The following MAN2B1 variants were observed in gnomAD, a reference collection of about 807,000 sequenced individuals.
MAN2B1 encodes lysosomal alpha-mannosidase.
A neutral mutation model predicts 127.5 loss-of-function variants in MAN2B1; 99 were observed. That is an observed-to-expected ratio of 0.78 (90% CI 0.66 to 0.92). MAN2B1 has a LOEUF of 0.92. Ranked by LOEUF, MAN2B1 falls within the 40% of genes least tolerant of loss-of-function variation. The pLI, the probability that MAN2B1 is intolerant of heterozygous loss-of-function variation, is 0.00. For synonymous variants in MAN2B1, 573 were observed against 568.8 expected, an observed-to-expected ratio of 1.01 and a Z score of -0.11; for missense variants, 1,304 against 1,384.8, an observed-to-expected ratio of 0.94 and a Z score of 0.93.
In MAN2B1 at chr19:12,647,397, C is replaced by T. The variant is rs1450902402; in HGVS notation, c.2820+46G>A. ...AAAGCCAGGTTTCTCTTCTCTCCCT[C>T]TCTCTTGCCTCTCTCCGATCTCCTT... On this transcript the variant is annotated intron_variant, in intron 22 of 23. Transcript: ENST00000456935. This position sits in a 1 kb window ranked among gnomAD's most constrained non-coding sequence, Gnocchi z 4.9. 1 of 1,612,684 alleles carries T rather than the reference C, an allele frequency of 6.2e-7. No homozygotes were observed. The highest frequency in any genetic ancestry group is 8.5e-7 in the Non-Finnish European group (1 of 1,178,616).
intron 7 of MAN2B1, chr19:12,658,743 T>A: frequency 1.8e-6 from 1 of 566,076 alleles, no homozygotes; most frequent in South Asian, 2.1e-5. Flanking sequence ...GAAATTTTAC[T>A]AAACTTTTAC....
chr19:12,649,367 G>C lies in MAN2B1; in HGVS notation c.2329C>G (p.Pro777Ala). The C allele has an allele frequency of 6.2e-7, 1 of 1,613,670 alleles. No homozygotes were observed. Among genetic ancestry groups the C allele is most frequent in the African/African-American group, 1.3e-5 (1 of 74,942 alleles). Residue 777 changes from proline to alanine, a missense_variant, in exon 19 of 24, where the codon CCA becomes GCA. Physicochemically the swap from Pro to Ala is conservative, Grantham distance 27. Coordinates refer to ENST00000456935, the MANE Select transcript of MAN2B1 (RefSeq NM_000528.4). ...GTGATGTAAATCCGGGTGTTGACTG[G>C]ATAGTAGTTTCCTGCCACGGGCTCC... ...QTEPVAGNYY[P>A]VNTRIYITDG...
intron 11 of MAN2B1, 112 bp downstream of exon 11, chr19:12,657,334 C>G: frequency 9.6e-7 from 1 of 1,038,858 alleles, no homozygotes; most frequent in Non-Finnish European, 1.4e-6. Context: ...CTTGTAGCCC[C>G]GCCACAGGGC....
Position 12,647,523 on chromosome 19 carries a change from G to C in MAN2B1, c.2740C>G (p.Leu914Val). The change falls in exon 22 of 24, where the codon CTG (leucine) becomes GTG (valine). Residue 914 changes from leucine (L) to valine (V), a missense_variant. Leu to Val is a conservative substitution (Grantham distance 32, BLOSUM62 1). Transcript: ENST00000456935. This position sits in a 1 kb window ranked among gnomAD's most constrained non-coding sequence, Gnocchi z 4.9. ...GCAAACTGGTGCTCCAAGCGCAGCA[G>C]CACCATTTCGGGGCCCCAGCTGGCC... ...TLASWGPEMV[L>V]LRLEHQFAVG... 1 of 1,614,250 alleles carries C rather than the reference G, an allele frequency of 6.2e-7. No homozygotes were observed. Among genetic ancestry groups the C allele is most frequent in the Middle Eastern group, 1.6e-4 (1 of 6,062 alleles).
chr19:12,666,519 T>C (rs912377546), intron 1 of MAN2B1, 24 bp downstream of exon 1: 7 of 1,568,554 alleles, frequency 4.5e-6, no homozygotes, highest in Non-Finnish European at 6.1e-6. Context: ...CTCCTGTACG[T>C]TTCAGCTCGG....
intron 18 of MAN2B1, 46 bp from the exon 19 acceptor site, chr19:12,649,474 ACTCT>A: frequency 1.7e-6 from 1 of 592,322 alleles, no homozygotes; most frequent in Non-Finnish European, 2.6e-6. Flanking sequence ...TGGCTCCCCA[ACTCT>A]TTTTTTTTTT....
intron 7 of MAN2B1, 52 bp from the exon 8 acceptor site, chr19:12,658,562 G>A (rs1018781995): frequency 2.0e-6 from 3 of 1,515,274 alleles, no homozygotes; most frequent in Non-Finnish European, 2.7e-6. Context: ...CCTTCCTGGG[G>A]GCCCACACTT....
rs1008690907 is a variant in MAN2B1, at chr19:12,649,033, G to A, written c.2436+103C>T. 5.0e-5 allele frequency: 47 copies of A among 937,518 alleles called. 1 individual carries two copies. In the Admixed American group the frequency reaches 8.6e-4, roughly 17 times the overall value. 58.1% of individuals were successfully genotyped at this position (937,518 alleles called of 1,614,324 possible). ...AGAAAGAAACGGAGTCCTCAGCTTA[G>A]TGGGGCCTGAAAGCAGAGAACTGGG... is the stretch of plus-strand genomic sequence containing the variant. On this transcript the variant is annotated intron_variant, in intron 20 of 23. Transcript: ENST00000456935.
At chr19:12,648,037 G>T in intron 21 of MAN2B1, 138 bp downstream of exon 21, 1 of 897,000 alleles carries the variant, frequency 1.1e-6, no homozygotes, top group Non-Finnish European at 1.8e-6. Context: ...GGACTGCCCA[G>T]GGGATGGGGT....
intron 1 of MAN2B1, 105 bp downstream of exon 1, chr19:12,666,438 C>CA: frequency 7.8e-7 from 1 of 1,277,858 alleles, no homozygotes; most frequent in Non-Finnish European, 1.1e-6. Flanking sequence ...GTCATATCAT[C>CA]AGCCATTCAC....
At position 12,652,080 on chromosome 19, in the gene MAN2B1, A is replaced by G. The variant is rs2023850043; in HGVS notation, c.2046+73T>C. ...ATCCTCCCCTACCCTCACTCTACAC[A>G]TGGCCCACCACCCTCTTGGGCTCCA... On this transcript the variant is annotated intron_variant, in intron 16 of 23. Coordinates refer to ENST00000456935, the MANE Select transcript of MAN2B1 (RefSeq NM_000528.4). 1.1e-5 allele frequency: 12 copies of G among 1,142,760 alleles called. No individual in the cohort carries two copies. In the Admixed American group the frequency reaches 1.5e-4, roughly 14 times the overall value. 70.8% of individuals were successfully genotyped at this position (1,142,760 alleles called of 1,614,324 possible).
intron 7 of MAN2B1, chr19:12,658,958 G>A (rs1338638651): frequency 1.1e-5 from 3 of 272,608 alleles, no homozygotes; most frequent in Non-Finnish European, 1.4e-5. Flanking sequence ...TTGGGTTCAC[G>A]CCATTCTCCA....
chr19:12,646,922 T>C (rs1389656736), intron 23 of MAN2B1, 190 bp from the exon 24 acceptor site: 2 of 617,144 alleles, frequency 3.2e-6, no homozygotes, highest in Non-Finnish European at 2.9e-6. Context: ...CCTCATACCC[T>C]CAATCTGGCC....
intron 3 of MAN2B1, 146 bp from the exon 4 acceptor site, chr19:12,665,131 A>G (rs2024198234): frequency 5.8e-6 from 6 of 1,040,654 alleles, no homozygotes; most frequent in Admixed American, 1.9e-5. Context: ...TAGTTCCCAG[A>G]TATGGGAAAG....
Position 12,663,851 on chromosome 19 carries a change from G to A in MAN2B1, c.631-16C>T, listed in dbSNP as rs1310395827. 2.5e-6 allele frequency: 4 copies of A among 1,613,970 alleles called. No homozygotes were observed. The highest frequency in any genetic ancestry group is 4.5e-5 in the East Asian group (2 of 44,898). ...CGAAGCCCATCTGGGGATGAGGGAG[G>A]AAAAGGCAGTGTGAATTAGTGCCCA... On this transcript the variant is annotated splice_polypyrimidine_tract_variant and intron_variant, in intron 4 of 23. Coordinates refer to ENST00000456935, the MANE Select transcript of MAN2B1 (RefSeq NM_000528.4).
At position 12,664,837 on chromosome 19, in the gene MAN2B1, A is replaced by G; in HGVS notation, c.585T>C (p.Ile195=). Residue 195 remains isoleucine (I), a synonymous_variant, in exon 4 of 24, where the codon ATT becomes ATC. Transcript: ENST00000456935. ...NDGRPRVAWH[I]DPFGHSREQA... is the part of the protein sequence containing the mutation. ...GCTCCCGAGAGTGGCCGAAGGGGTCAATGTGCCAGGCCACACGGGGTCGCC... is the reference window on the plus strand; with the variant it reads ...GCTCCCGAGAGTGGCCGAAGGGGTCGATGTGCCAGGCCACACGGGGTCGCC... 1 of 1,613,998 alleles carries G rather than the reference A, an allele frequency of 6.2e-7. No individual in the cohort carries two copies. The highest frequency in any genetic ancestry group is 8.5e-7 in the Non-Finnish European group (1 of 1,179,962).
intron 11 of MAN2B1, 136 bp from the exon 12 acceptor site, chr19:12,657,192 C>G (rs1262524662): frequency 1.4e-6 from 1 of 725,920 alleles, no homozygotes. Flanking sequence ...TAGCCCCACC[C>G]TGCTGCCCTT....
Position 12,666,615 on chromosome 19 carries a change from C to T in MAN2B1, c.87G>A (p.Arg29=). 1.3e-6 allele frequency: 2 copies of T among 1,558,604 alleles called. No individual in the cohort carries two copies. The highest frequency in any genetic ancestry group is 1.4e-5 in the African/African-American group (1 of 73,686). Residue 29 remains arginine (R), a synonymous_variant, in exon 1 of 24, where the codon CGG becomes CGA. Coordinates refer to ENST00000456935, the MANE Select transcript of MAN2B1 (RefSeq NM_000528.4). ...AGPWTMSRAL[R]PPLPPLCFFL... is the part of the protein sequence containing the mutation. Reference sequence around the variant, plus strand: ...AAAAGCAGAGAGGCGGGAGCGGTGGCCGCAGGGCGCGGGACATGGTCCAGG... The same window carrying T: ...AAAAGCAGAGAGGCGGGAGCGGTGGTCGCAGGGCGCGGGACATGGTCCAGG...
At position 12,658,512 on chromosome 19, in the gene MAN2B1, T is replaced by G; in HGVS notation, c.1027-2A>C. The G allele has an allele frequency of 1.2e-6, 2 of 1,614,086 alleles. No individual in the cohort carries two copies. Among genetic ancestry groups the G allele is most frequent in the South Asian group, 2.2e-5 (2 of 91,060 alleles). On this transcript the variant is annotated splice_acceptor_variant, in intron 7 of 23. Coordinates refer to ENST00000456935, the MANE Select transcript of MAN2B1 (RefSeq NM_000528.4). LOFTEE classifies it high-confidence loss of function. ...ATGGACACTGCTTCCTTTTGCCTGC[T>G]GCTGGGGGAGGCGACGGAGTGAGCC... is the stretch of plus-strand genomic sequence containing the variant.
Sources: allele counts gnomAD v4.1 joint callset, GRCh38; gene constraint gnomAD v4.1.1; non-coding constraint Gnocchi (gnomAD v3.1); transcripts MANE v1.5; gene names NCBI Gene and HGNC (gene_info 2026-07-23, HGNC 2026-07-21).